Variants in CSNK1G1 observed in about 807,000 individuals in gnomAD.
CSNK1G1 encodes casein kinase 1 gamma 1, also known as casein kinase I isoform gamma-1.
A neutral mutation model predicts 59.6 loss-of-function variants in CSNK1G1; 22 were observed. That is an observed-to-expected ratio of 0.37 (90% confidence interval 0.26 to 0.53). The LOEUF is 0.53. CSNK1G1 is among the 20% of genes least tolerant of loss of function. The probability of loss-of-function intolerance (pLI) is 0.89; values close to 1 mark genes in which losing one functional copy is unlikely to be tolerated. For synonymous variants in CSNK1G1, 179 were observed against 177.1 expected (o/e 1.01, Z -0.08); for missense variants, 384 against 519.5 (o/e 0.74, Z 2.54).
At chr15:64,194,288 C>T (rs1567365958) in intron 10 of CSNK1G1, 4 of 151,700 alleles carry the variant, frequency 2.6e-5, no homozygotes, top group South Asian at 2.1e-4. Flanking sequence ...CCCTGAGCCT[C>T]GGTCAGAACT....
Position 64,300,478 on chromosome 15 carries a change from T to A in CSNK1G1, c.22A>T (p.Lys8Ter). Reference protein sequence around the residue: MDHPSREKDERQRTTKPM... With the variant: MDHPSRE ...TTAGTTGTCCGTTGTCTTTCATCCTTTTCCCTACTAGGATGGTCCATGATC... is the reference window on the plus strand; with the variant it reads ...TTAGTTGTCCGTTGTCTTTCATCCTATTCCCTACTAGGATGGTCCATGATC... Residue 8 changes from lysine (K) to a stop codon, truncating the protein, a stop_gained, in exon 2 of 12, where the codon AAG (lysine) becomes TAG (stop). Transcript: ENST00000303052. LOFTEE classifies it high-confidence loss of function. 1 of 1,614,162 alleles carries A rather than the reference T, an allele frequency of 6.2e-7. No individual in the cohort carries two copies. Among genetic ancestry groups the A allele is most frequent in the South Asian group, 1.1e-5 (1 of 91,076 alleles).
chr15:64,273,238 T>C (rs1244237400), intron 2 of CSNK1G1, among the ~76,000 whole-genome samples: 1 of 152,178 alleles, frequency 6.6e-6, no homozygotes, highest in African/African-American at 2.4e-5. Context: ...AATGTACAGA[T>C]GTATTGAAAC....
intron 1 of CSNK1G1, among the ~76,000 whole-genome samples, chr15:64,341,706 C>T (rs1448421275): frequency 6.6e-6 from 1 of 152,046 alleles, no homozygotes; most frequent in Admixed American, 6.6e-5. Flanking sequence ...AACTCCTGGC[C>T]TCAAGTGATC....
At chr15:64,181,432 T>TG (rs1170901766) in intron 10 of CSNK1G1, 1 of 1,524,558 alleles carries the variant, frequency 6.6e-7, no homozygotes, top group Non-Finnish European at 8.8e-7. Context: ...AGACCTTGGC[T>TG]GAAACATGGG....
At chr15:64,326,937 C>T (rs1388223764) in intron 1 of CSNK1G1, among the ~76,000 whole-genome samples, 2 of 150,500 alleles carry the variant, frequency 1.3e-5, no homozygotes, top group Non-Finnish European at 3.0e-5. Context: ...AATCGGGTCA[C>T]TCCCACCCGA....
chr15:64,290,911 A>G (rs1167539100), intron 2 of CSNK1G1, among the ~76,000 whole-genome samples: 1 of 152,110 alleles, frequency 6.6e-6, no homozygotes, highest in Non-Finnish European at 1.5e-5. Context: ...ACGGGGTTTC[A>G]CCACGTTGGC....
At chr15:64,180,478 G>A (rs200687953) in intron 10 of CSNK1G1, 24 bp from the exon 11 acceptor site, 200 of 1,572,796 alleles carry the variant, frequency 1.3e-4, no homozygotes, top group East Asian at 8.7e-4. Context: ...ACAGAAGTGT[G>A]TGACAGGCAC....
At chr15:64,338,115 C>A (rs371774773) in intron 1 of CSNK1G1, among the ~76,000 whole-genome samples, 4 of 152,060 alleles carry the variant, frequency 2.6e-5, no homozygotes, top group East Asian at 3.8e-4. Context: ...TAGATATATG[C>A]CTAAGAGAGG....
chr15:64,246,646 G>A (rs961647534), intron 4 of CSNK1G1, among the ~76,000 whole-genome samples: 1 of 145,538 alleles, frequency 6.9e-6, no homozygotes, highest in Non-Finnish European at 1.5e-5. Flanking sequence ...AAAAGGGGGG[G>A]GGGGAGGAAT....
In CSNK1G1 at chr15:64,350,370, A is replaced by G. The variant is rs567130715; in HGVS notation, c.-225+5618T>C. ...AAAAAAATTAGCCGGGTGTGGTGGC[A>G]GGCACCTGTAGTCCCAGCTACTCCG... On this transcript the variant is annotated intron_variant, in intron 1 of 11. Transcript: ENST00000303052. Among the ~76,000 whole-genome samples, 503 of 152,070 alleles carry G rather than the reference A, an allele frequency of 3.3e-3. 1 individual carries two copies. Among genetic ancestry groups the G allele is most frequent in the Non-Finnish European group, 6.2e-3 (420 of 67,962 alleles).
chr15:64,302,480 T>C (rs1895409651), intron 1 of CSNK1G1, among the ~76,000 whole-genome samples: 1 of 152,082 alleles, frequency 6.6e-6, no homozygotes, highest in African/African-American at 2.4e-5. Context: ...ACATTTATAA[T>C]GTATATTCTG....
rs547565929 is a variant in CSNK1G1, at chr15:64,239,316, G to A, written c.292+12196C>T. Among the ~76,000 whole-genome samples, 24 of 152,206 alleles carry A rather than the reference G, an allele frequency of 1.6e-4. No individual in the cohort carries two copies. In the South Asian group the frequency reaches 2.9e-3, roughly 18 times the overall value. On this transcript the variant is annotated intron_variant, in intron 4 of 11. Coordinates refer to ENST00000303052, the MANE Select transcript of CSNK1G1 (RefSeq NM_022048.5). ...CCCAATGAAAAGAAATTTTAAAACT[G>A]CTGGAAAAGGAACTCCAAATAATGA... is the stretch of plus-strand genomic sequence containing the variant.
chr15:64,270,565 C>T (rs759585511), intron 2 of CSNK1G1, among the ~76,000 whole-genome samples: 1 of 152,054 alleles, frequency 6.6e-6, no homozygotes, highest in Non-Finnish European at 1.5e-5. Context: ...CGAGACCATC[C>T]TGGCCAACAC....
At chr15:64,353,620 C>A (rs1428930170) in intron 1 of CSNK1G1, among the ~76,000 whole-genome samples, 1 of 147,976 alleles carries the variant, frequency 6.8e-6, no homozygotes, top group Non-Finnish European at 1.5e-5. Flanking sequence ...ACACTCCAGC[C>A]TGGGTGACAG....
chr15:64,307,673 C>T (rs1194282352), intron 1 of CSNK1G1, among the ~76,000 whole-genome samples: 1 of 152,108 alleles, frequency 6.6e-6, no homozygotes, highest in African/African-American at 2.4e-5. Context: ...ATCTTGTCAG[C>T]AACTTACTTG....
intron 11 of CSNK1G1, among the ~76,000 whole-genome samples, chr15:64,179,192 G>C (rs543686714): frequency 7.1e-6 from 1 of 141,382 alleles, no homozygotes; most frequent in African/African-American, 2.6e-5. Flanking sequence ...GCTGCAGTTA[G>C]CCATGATCGT....
intron 10 of CSNK1G1, among the ~76,000 whole-genome samples, chr15:64,190,956 T>G (rs961085876): frequency 6.6e-6 from 1 of 152,238 alleles, no homozygotes; most frequent in Non-Finnish European, 1.5e-5. Context: ...ACTTAAGTGC[T>G]TAAAAAAATC....
Position 64,171,697 on chromosome 15 carries a change from G to C in CSNK1G1, c.*234C>G. On this transcript the variant is annotated 3_prime_UTR_variant, in exon 12 of 12. Transcript: ENST00000303052. The surrounding 1 kb of genome is among the most constrained non-coding windows in gnomAD (Gnocchi z 4.8). ...CCAGGCAGCCCTATGGGCAAGCAGT[G>C]GAGGAACAGCAGCTCTGGGACCTGC... 1.7e-6 allele frequency: 1 copy of C among 578,494 alleles called. No individual in the cohort carries two copies. Among genetic ancestry groups the C allele is most frequent in the Admixed American group, 3.0e-5 (1 of 33,234 alleles). 35.8% of individuals were successfully genotyped at this position (578,494 alleles called of 1,614,324 possible). A position where few individuals can be genotyped will look rare whatever the true frequency, so the allele number is the denominator to read the frequency against.
At chr15:64,219,960 G>A (rs1043340126) in intron 4 of CSNK1G1, among the ~76,000 whole-genome samples, 3 of 151,938 alleles carry the variant, frequency 2.0e-5, no homozygotes, top group Non-Finnish European at 4.4e-5. Context: ...TTTTAGTAGA[G>A]ATGGGATTTC....
Sources: gnomAD v4.1 joint callset for allele counts (sites outside exome capture counted in the v4.1 genomes callset) on GRCh38, gnomAD v4.1.1 for gene constraint, Gnocchi (gnomAD v3.1) non-coding constraint, MANE v1.5 for transcripts, NCBI Gene and HGNC (gene_info 2026-07-23, HGNC 2026-07-21) for gene names.